Variants in RNF130 observed in about 807,000 individuals in gnomAD.
The protein encoded by RNF130 is ring finger protein 130.
Under a neutral mutation model 44.6 loss-of-function variants are expected in RNF130, and 21 were observed. The ratio of observed to expected loss-of-function variants is 0.47; its 90% CI spans 0.33 to 0.68. The LOEUF (loss-of-function observed/expected upper bound fraction) is 0.68. Ranked by LOEUF, RNF130 falls within the 30% of genes least tolerant of loss-of-function variation. The pLI is 0.02. For missense variants in RNF130, 479 were observed against 560.6 expected (o/e 0.85, Z 1.47); for synonymous variants, 214 against 210.4 (o/e 1.02, Z -0.15).
rs969546654 is a variant in RNF130 at position 180,071,678 on chromosome 5, G to A, written c.25C>T (p.Pro9Ser). The A allele has an allele frequency of 9.2e-6, 13 of 1,407,268 alleles. No homozygotes were observed. The highest frequency in any genetic ancestry group is 1.2e-5 in the Non-Finnish European group (13 of 1,076,230). 87.2% of individuals were successfully genotyped at this position (1,407,268 alleles called of 1,614,324 possible). A position where few individuals can be genotyped will look rare whatever the true frequency, so the allele number is the denominator to read the frequency against. MSCAGRAGPARLAALALLT... is the reference protein window; with the variant it reads MSCAGRAGSARLAALALLT... ...AGGGCGAGCGCGGCGAGCCGGGCAG[G>A]GCCCGCCCGCCCCGCGCAGCTCATC... The change falls in exon 1 of 9, where the codon CCT becomes TCT. Residue 9 changes from proline to serine, a missense_variant. Physicochemically the swap from Pro to Ser is moderately conservative, Grantham distance 74. Coordinates refer to ENST00000521389, the MANE Select transcript of RNF130 (RefSeq NM_018434.6).
At chr5:179,917,668 A>G (rs1364836047) in exon 8 of RNF130, 1 of 152,140 alleles carries the variant, frequency 6.6e-6, no homozygotes, top group Non-Finnish European at 1.5e-5. Flanking sequence ...CCCCCAGCAT[A>G]GCAGCTAGTA....
intron 7 of RNF130, among the ~76,000 whole-genome samples, chr5:179,945,660 G>A (rs1762026197): frequency 1.3e-5 from 2 of 152,164 alleles, no homozygotes; most frequent in Non-Finnish European, 2.9e-5. Context: ...GCTGGCTTGT[G>A]TGTTGAATGT....
At chr5:179,937,960 G>GAC (rs1465525639) in intron 7 of RNF130, among the ~76,000 whole-genome samples, 2 of 151,236 alleles carry the variant, frequency 1.3e-5, no homozygotes, top group Non-Finnish European at 3.0e-5. Flanking sequence ...GAGAGAGAGA[G>GAC]AGAGAGAGAG....
rs563183915 is a variant in RNF130, at chr5:179,937,706, C to T, written c.1151-17280G>A. 2.3e-4 allele frequency among the ~76,000 whole-genome samples: 35 copies of T among 152,150 alleles called. 2 individuals carry two copies. Among genetic ancestry groups the T allele is most frequent in the African/African-American group, 7.2e-4 (30 of 41,508 alleles). ...AGCAATTCCACTGCTAGGTATATAA[C>T]CCAAAGAATTGAAAACAAGGATGCA... On this transcript the variant is annotated intron_variant, in intron 7 of 7. Coordinates refer to the RNF130 transcript ENST00000522208.
At chr5:180,032,252 A>T (rs1390883624) in intron 2 of RNF130, among the ~76,000 whole-genome samples, 1 of 152,236 alleles carries the variant, frequency 6.6e-6, no homozygotes, top group Non-Finnish European at 1.5e-5. Flanking sequence ...GTTATAGGCA[A>T]GAACTTCTTG....
exon 8 of RNF130, chr5:179,913,256 CA>C (rs1264535591): frequency 6.6e-6 from 1 of 152,270 alleles, no homozygotes; most frequent in Non-Finnish European, 1.5e-5. Flanking sequence ...GAGGAGGGGC[CA>C]ACAGGAGGAA....
intron 4 of RNF130, 49 bp from the exon 5 acceptor site, chr5:179,978,334 A>T (rs1444541958): frequency 4.0e-6 from 5 of 1,241,124 alleles, no homozygotes. Context: ...CAAGTATATA[A>T]ATGGTTGGGA....
chr5:180,041,547 T>G (rs548540182), intron 1 of RNF130, among the ~76,000 whole-genome samples: 1 of 152,344 alleles, frequency 6.6e-6, no homozygotes, highest in East Asian at 1.9e-4. Context: ...AGCCCCCGGC[T>G]GCTCTTCCCA....
intron 7 of RNF130, among the ~76,000 whole-genome samples, chr5:179,937,123 G>A (rs550115422): frequency 2.6e-5 from 4 of 152,124 alleles, no homozygotes; most frequent in South Asian, 2.1e-4. Flanking sequence ...TCATCAAAAC[G>A]AAATATCATC....
At chr5:179,931,718 T>C (rs1761810576) in intron 7 of RNF130, among the ~76,000 whole-genome samples, 1 of 151,698 alleles carries the variant, frequency 6.6e-6, no homozygotes. Flanking sequence ...GAGGTTGCAG[T>C]GAGCTGAGAT....
intron 3 of RNF130, among the ~76,000 whole-genome samples, chr5:180,003,233 A>T (rs957753721): frequency 6.6e-6 from 1 of 152,136 alleles, no homozygotes; most frequent in Non-Finnish European, 1.5e-5. Context: ...GGGGGGTTTG[A>T]GGAGAGGTGC....
At chr5:180,071,189 A>G (rs12656219) in intron 1 of RNF130, among the ~76,000 whole-genome samples, 57,642 of 152,124 alleles carry the variant, frequency 0.38, 12,318 homozygotes, top group South Asian at 0.61. Context: ...CTCCTAGCTC[A>G]ATGCCCTCCA....
chr5:179,973,739 A>G (rs1162910033), intron 5 of RNF130, among the ~76,000 whole-genome samples: 2 of 152,176 alleles, frequency 1.3e-5, no homozygotes, highest in Non-Finnish European at 2.9e-5. Context: ...CCTTGAAAAG[A>G]AGTTCCCCAC....
chr5:180,009,810 G>A (rs539313330), intron 3 of RNF130, among the ~76,000 whole-genome samples: 1 of 152,302 alleles, frequency 6.6e-6, no homozygotes, highest in East Asian at 1.9e-4. Flanking sequence ...ATTGTTCACA[G>A]CTGCTTTATT....
chr5:179,963,781 C>G, intron 7 of RNF130: 1 of 556,390 alleles, frequency 1.8e-6, no homozygotes, highest in South Asian at 2.1e-5. Flanking sequence ...GAAAGCATGG[C>G]TCAACCATTT....
chr5:179,961,220 A>G (rs1198074360), intron 8 of RNF130, among the ~76,000 whole-genome samples: 1 of 152,178 alleles, frequency 6.6e-6, no homozygotes, highest in African/African-American at 2.4e-5. Flanking sequence ...TCGTATCCAC[A>G]TGCGTGCATA....
chr5:180,030,482 C>T (rs560124338), intron 2 of RNF130, among the ~76,000 whole-genome samples: 1 of 152,276 alleles, frequency 6.6e-6, no homozygotes, highest in East Asian at 1.9e-4. Context: ...ATTTCCATCA[C>T]CCCCCAGAAA....
chr5:180,061,419 G>C (rs147665307), intron 1 of RNF130, among the ~76,000 whole-genome samples: 1 of 152,172 alleles, frequency 6.6e-6, no homozygotes, highest in Non-Finnish European at 1.5e-5. Flanking sequence ...AGTGGCGGCC[G>C]CAAGACATCA....
chr5:179,984,663 C>T (rs1337253308), intron 3 of RNF130, among the ~76,000 whole-genome samples: 1 of 151,892 alleles, frequency 6.6e-6, no homozygotes, highest in Non-Finnish European at 1.5e-5. Context: ...AGAATTTGTG[C>T]ATCTATGTTC....
Sources: allele counts gnomAD v4.1 joint callset (sites outside exome capture counted in the v4.1 genomes callset), GRCh38; gene constraint gnomAD v4.1.1; transcripts MANE v1.5; gene names NCBI Gene and HGNC (gene_info 2026-07-23, HGNC 2026-07-21).